ALDH1L1: variants seen among roughly 807,000 people sequenced by gnomAD.
ALDH1L1 encodes the protein aldehyde dehydrogenase 1 family member L1, also known as cytosolic 10-formyltetrahydrofolate dehydrogenase.
ALDH1L1 carries 68 observed loss-of-function variants against 101.1 expected under a neutral mutation model. That is an observed-to-expected ratio of 0.67 (90% CI 0.55 to 0.82). The LOEUF is 0.82. ALDH1L1 is among the 40% of genes least tolerant of loss of function. ALDH1L1 has a pLI of 0.00. For missense variants in ALDH1L1, 1,087 were observed against 1,172.7 expected, an observed-to-expected ratio of 0.93 and a Z score of 1.07; for synonymous variants, 486 against 470.8, an observed-to-expected ratio of 1.03 and a Z score of -0.42.
intron 2 of ALDH1L1, chr3:126,159,427 C>A (rs1307672953): frequency 2.2e-6 from 1 of 456,698 alleles, no homozygotes; most frequent in Non-Finnish European, 4.4e-6. Flanking sequence ...TAACTTTGGG[C>A]TCTCTGCCTT....
At chr3:126,153,387 A>G (rs1251643654) in intron 7 of ALDH1L1, 57 bp downstream of exon 7, 4 of 1,607,070 alleles carry the variant, frequency 2.5e-6, no homozygotes, top group Non-Finnish European at 3.4e-6. Context: ...GCCTGAGTCC[A>G]AGGACAGGAG....
intron 22 of ALDH1L1, chr3:126,105,254 A>C: frequency 3.9e-6 from 1 of 255,986 alleles, no homozygotes; most frequent in Admixed American, 4.7e-5. Context: ...ATGGGCCTTC[A>C]ATCTGGCCCC....
At chr3:126,169,009 G>A (rs1250581267) in intron 1 of ALDH1L1, among the ~76,000 whole-genome samples, 1 of 152,064 alleles carries the variant, frequency 6.6e-6, no homozygotes, top group Admixed American at 6.6e-5. Flanking sequence ...TATTCAAGCT[G>A]TGAAACTTTA....
At chr3:126,168,190 T>G (rs1453464326) in intron 1 of ALDH1L1, among the ~76,000 whole-genome samples, 1 of 152,164 alleles carries the variant, frequency 6.6e-6, no homozygotes, top group African/African-American at 2.4e-5. Flanking sequence ...AAAACTCTTG[T>G]GTGTTAACAC....
At chr3:126,143,418 A>C (rs575860530) in intron 9 of ALDH1L1, among the ~76,000 whole-genome samples, 2 of 152,202 alleles carry the variant, frequency 1.3e-5, no homozygotes, top group Non-Finnish European at 2.9e-5. Flanking sequence ...AGATTTCATC[A>C]TTCTATCAAA....
At chr3:126,155,653 A>C in intron 4 of ALDH1L1, 150 bp from the exon 5 acceptor site, 1 of 587,766 alleles carries the variant, frequency 1.7e-6, no homozygotes, top group Non-Finnish European at 2.9e-6. Flanking sequence ...CCATATGAAC[A>C]AGGGAGTCAG....
intron 17 of ALDH1L1, among the ~76,000 whole-genome samples, chr3:126,116,297 G>A (rs2079970884): frequency 6.6e-6 from 1 of 151,748 alleles, no homozygotes; most frequent in African/African-American, 2.4e-5. Flanking sequence ...AGGCTGGAGT[G>A]CAGTGCGTGA....
intron 14 of ALDH1L1, among the ~76,000 whole-genome samples, chr3:126,128,089 G>C (rs1485221601): frequency 6.6e-6 from 1 of 152,114 alleles, no homozygotes; most frequent in Non-Finnish European, 1.5e-5. Flanking sequence ...ACTGGGGAGG[G>C]GGCCAGGATA....
rs1207871733 is a variant in ALDH1L1 at position 126,142,267 on chromosome 3, T to C, written c.1077-4307A>G. Among the ~76,000 whole-genome samples, 88 of 152,070 alleles carry C rather than the reference T, an allele frequency of 5.8e-4. 2 individuals carry two copies. The highest frequency in any genetic ancestry group is 5.6e-3 in the Admixed American group (86 of 15,266). On this transcript the variant is annotated intron_variant, in intron 9 of 22. Coordinates refer to ENST00000393434, the MANE Select transcript of ALDH1L1 (RefSeq NM_012190.4). The stretch of plus-strand genomic sequence containing the variant: ...TTCACTGGTGAATTCTACCAAACAT[T>C]TGAAGGGAAAGTAACACCAATTTTT...
At chr3:126,130,895 A>T (rs1355792265) in intron 13 of ALDH1L1, among the ~76,000 whole-genome samples, 1 of 152,166 alleles carries the variant, frequency 6.6e-6, no homozygotes, top group Admixed American at 6.5e-5. Flanking sequence ...GTCCCTGTTG[A>T]CCCTAAGGTG....
At position 126,105,762 on chromosome 3, in the gene ALDH1L1, C is replaced by T. The variant is rs748936377; in HGVS notation, c.2617G>A (p.Gly873Arg). 13 of 1,614,046 alleles carry T rather than the reference C, an allele frequency of 8.1e-6. No homozygotes were observed. Among genetic ancestry groups the T allele is most frequent in the Admixed American group, 1.7e-5 (1 of 60,012 alleles). Residue 873 changes from glycine to arginine, a missense_variant, in exon 22 of 23, where the codon GGA becomes AGA. Coordinates refer to ENST00000393434, the MANE Select transcript of ALDH1L1 (RefSeq NM_012190.4). Reference sequence around the variant, plus strand: ...CCAAATCCAGACTGTTTGAATCCTCCGAAGGGAGCGGCCACGTCGGTCTTG... The same window carrying T: ...CCAAATCCAGACTGTTTGAATCCTCTGAAGGGAGCGGCCACGTCGGTCTTG... ...YNKTDVAAPF[G>R]GFKQSGFGKD...
intron 16 of ALDH1L1, among the ~76,000 whole-genome samples, chr3:126,123,414 T>C (rs1290501973): frequency 6.6e-6 from 1 of 152,036 alleles, no homozygotes; most frequent in Admixed American, 6.6e-5. Context: ...CCTGCCACCA[T>C]GCCCAGCTAA....
chr3:126,180,937 C>CT (rs756830427), upstream of ALDH1L1: 24 of 1,610,092 alleles, frequency 1.5e-5, no homozygotes, highest in Non-Finnish European at 2.0e-5. Flanking sequence ...CGCTCACCCT[C>CT]TCTCACTCTT....
intron 12 of ALDH1L1, among the ~76,000 whole-genome samples, chr3:126,131,768 C>A (rs1037295696): frequency 2.0e-5 from 3 of 152,258 alleles, no homozygotes; most frequent in Non-Finnish European, 4.4e-5. Flanking sequence ...TCTTCCCTCG[C>A]TTCCTTCCTG....
At chr3:126,135,486 C>G (rs751157734) in intron 12 of ALDH1L1, 49 bp downstream of exon 12, 1 of 1,586,810 alleles carries the variant, frequency 6.3e-7, no homozygotes, top group South Asian at 1.1e-5. Flanking sequence ...GTGCCACTGC[C>G]CAGAAGCTGA....
At chr3:126,114,800 C>CCCCCCCCCCCCCCT in intron 17 of ALDH1L1, 144 bp from the exon 18 acceptor site, 5 of 748,590 alleles carry the variant, frequency 6.7e-6, no homozygotes, top group Non-Finnish European at 1.2e-5. Context: ...CACTCCCCCC[C>CCCCCCCCCCCCCCT]ACCCCTTGCG....
upstream of ALDH1L1, among the ~76,000 whole-genome samples, chr3:126,184,048 G>A (rs138134425): frequency 7.9e-5 from 12 of 152,304 alleles, no homozygotes; most frequent in Non-Finnish European, 1.6e-4. Context: ...TAGGCTGAAC[G>A]TAGTGACTTC....
intron 16 of ALDH1L1, among the ~76,000 whole-genome samples, chr3:126,118,448 C>A (rs1041689128): frequency 6.6e-6 from 1 of 152,112 alleles, no homozygotes; most frequent in Non-Finnish European, 1.5e-5. Context: ...TGGGCAATGA[C>A]CATGCGAGGA....
intron 22 of ALDH1L1, 137 bp downstream of exon 22, chr3:126,105,589 T>A: frequency 1.0e-6 from 1 of 1,003,200 alleles, no homozygotes; most frequent in Non-Finnish European, 1.6e-6. Context: ...TCCCTCCCAG[T>A]AAGAAGCGAA....
Sources: allele counts gnomAD v4.1 joint callset (sites outside exome capture counted in the v4.1 genomes callset), GRCh38; gene constraint gnomAD v4.1.1; transcripts MANE v1.5; gene names NCBI Gene and HGNC (gene_info 2026-07-23, HGNC 2026-07-21).